TLCD4: variants seen among roughly 807,000 people sequenced by gnomAD.
TLCD4 encodes the protein TLC domain containing 4, also known as TLC domain-containing protein 4.
A neutral mutation model predicts 24.2 loss-of-function variants in TLCD4; 7 were observed. The observed-to-expected ratio is 0.29, with a 90% CI of 0.16 to 0.54. The LOEUF (loss-of-function observed/expected upper bound fraction) is 0.54. Ranked by LOEUF, TLCD4 falls within the 20% of genes least tolerant of loss-of-function variation. The pLI is 0.95. For missense variants in TLCD4, 259 were observed against 313.9 expected (o/e 0.82, Z 1.32); for synonymous variants, 103 against 106.4 (o/e 0.97, Z 0.20).
At chr1:95,180,544 A>G (rs1678598261) in intron 6 of TLCD4, among the ~76,000 whole-genome samples, 1 of 152,232 alleles carries the variant, frequency 6.6e-6, no homozygotes, top group Admixed American at 6.5e-5. Flanking sequence ...AAGAAGGCAC[A>G]TGGCATACAT....
In TLCD4 at chr1:95,194,700, TA is replaced by T. The variant is rs1434096773; in HGVS notation, c.*2838del. On this transcript the variant is annotated 3_prime_UTR_variant, in exon 7 of 7. Coordinates refer to ENST00000370203, the MANE Select transcript of TLCD4 (RefSeq NM_152487.3). ...AGAAAATAAAAGTTCTTGTGAAACT[TA>T]AAAAATGAATGAAAACCAACTAATA... is the stretch of plus-strand genomic sequence containing the variant. 1 of 152,220 alleles carries T rather than the reference TA, an allele frequency of 6.6e-6. No individual in the cohort carries two copies. Among genetic ancestry groups the T allele is most frequent in the Admixed American group, 6.5e-5 (1 of 15,286 alleles). The allele number at this position is 152,220 out of a possible 1,614,324, so 9.4% of individuals were successfully genotyped here.
the TLCD4 span, among the ~76,000 whole-genome samples, chr1:95,104,663 C>CAAAAAAAAAAAAAAAAAAAAAAAAAA: frequency 2.4e-3 from 99 of 40,548 alleles, 6 homozygotes; most frequent in Non-Finnish European, 3.3e-3. Context: ...GACTCCGTCT[C>CAAAAAAAAAAAAAAAAAAAAAAAAAA]AAAAAAAAAA....
chr1:95,132,264 G>A (rs1264918362), intron 1 of TLCD4, among the ~76,000 whole-genome samples: 5 of 152,000 alleles, frequency 3.3e-5, no homozygotes, highest in African/African-American at 9.7e-5. Flanking sequence ...AGACCAGCCC[G>A]ACCAACATAG....
At position 95,154,965 on chromosome 1, in the gene TLCD4, T is replaced by A. The variant is rs192878315; in HGVS notation, c.399+3546T>A. Among the ~76,000 whole-genome samples, 14 of 151,334 alleles carry A rather than the reference T, an allele frequency of 9.3e-5. 1 individual carries two copies. In the East Asian group the frequency reaches 2.4e-3, roughly 26 times the overall value. On this transcript the variant is annotated intron_variant, in intron 5 of 6. Coordinates refer to ENST00000370203, the MANE Select transcript of TLCD4 (RefSeq NM_152487.3). The stretch of plus-strand genomic sequence containing the variant: ...TCACGTTTTTACACAGGATTCCAAT[T>A]TGGGATGCCCAGAACTTATTTCCTA...
At chr1:95,112,282 T>A in the TLCD4 span, among the ~76,000 whole-genome samples, 1 of 152,072 alleles carries the variant, frequency 6.6e-6, no homozygotes, top group Non-Finnish European at 1.5e-5. Context: ...GATACAGAGA[T>A]GATCAATAGG....
At chr1:95,141,405 C>T (rs1448687376) in intron 1 of TLCD4, among the ~76,000 whole-genome samples, 3 of 152,088 alleles carry the variant, frequency 2.0e-5, no homozygotes, top group African/African-American at 7.2e-5. Context: ...GCAGCCCGTG[C>T]CCACCTTCTG....
At chr1:95,167,707 C>G (rs936761437) in intron 5 of TLCD4, among the ~76,000 whole-genome samples, 2 of 152,154 alleles carry the variant, frequency 1.3e-5, no homozygotes, top group Non-Finnish European at 2.9e-5. Context: ...CTTGCTCTCC[C>G]AGGATCGATT....
chr1:95,181,356 C>T (rs1391598075), intron 6 of TLCD4, among the ~76,000 whole-genome samples: 3 of 152,078 alleles, frequency 2.0e-5, no homozygotes, highest in Admixed American at 2.0e-4. Flanking sequence ...AAATATCTAG[C>T]CTCTCAGAGT....
At chr1:95,178,822 GTGTTT>G in intron 6 of TLCD4, among the ~76,000 whole-genome samples, 1 of 152,202 alleles carries the variant, frequency 6.6e-6, no homozygotes, top group South Asian at 2.1e-4. Context: ...TTATAGTCAA[GTGTTT>G]TGTTCTCTTA....
chr1:95,188,367 G>T (rs963365801), intron 6 of TLCD4, among the ~76,000 whole-genome samples: 1 of 127,268 alleles, frequency 7.9e-6, no homozygotes, highest in African/African-American at 2.9e-5. Context: ...CAGCCTGGGC[G>T]ACAGAGCGAG....
intron 1 of TLCD4, among the ~76,000 whole-genome samples, chr1:95,128,106 C>T (rs886977040): frequency 2.6e-5 from 4 of 152,130 alleles, no homozygotes; most frequent in Non-Finnish European, 5.9e-5. Context: ...AAAAAGTTTT[C>T]GGTGGAGTGA....
intron 6 of TLCD4, among the ~76,000 whole-genome samples, chr1:95,183,090 A>G (rs983114267): frequency 5.3e-5 from 8 of 152,168 alleles, no homozygotes; most frequent in African/African-American, 1.9e-4. Context: ...ATAACTTTTG[A>G]TATTTGTAGG....
chr1:95,171,154 T>G (rs1678205382), intron 5 of TLCD4, among the ~76,000 whole-genome samples: 1 of 152,166 alleles, frequency 6.6e-6, no homozygotes, highest in Non-Finnish European at 1.5e-5. Context: ...TTTTGCTATG[T>G]TTGCCCAAGC....
chr1:95,136,890 C>T (rs1677057362), intron 1 of TLCD4, among the ~76,000 whole-genome samples: 1 of 152,122 alleles, frequency 6.6e-6, no homozygotes, highest in African/African-American at 2.4e-5. Flanking sequence ...TATGGCACCA[C>T]AGAGAAGGGC....
chr1:95,166,352 A>G, intron 5 of TLCD4, among the ~76,000 whole-genome samples: 1 of 152,224 alleles, frequency 6.6e-6, no homozygotes, highest in African/African-American at 2.4e-5. Flanking sequence ...AATATATTAT[A>G]GTTGTGCAAA....
Position 95,126,980 on chromosome 1 carries a change from G to T in TLCD4, c.-12+9363G>T, listed in dbSNP as rs563012696. Among the ~76,000 whole-genome samples the T allele has an allele frequency of 3.3e-5, 5 of 152,270 alleles. No homozygotes were observed. In the South Asian group the frequency reaches 8.3e-4, roughly 25 times the overall value. On this transcript the variant is annotated intron_variant, in intron 1 of 6. Transcript: ENST00000370203. ...GCAAAGGAATTTATGGCCACTAAAT[G>T]GTTTACCACAGGTGACTGCATGTAC... is the stretch of plus-strand genomic sequence containing the variant.
intron 6 of TLCD4, 35 bp from the exon 7 acceptor site, chr1:95,191,515 C>A: frequency 6.3e-7 from 1 of 1,578,742 alleles, no homozygotes; most frequent in South Asian, 1.2e-5. Flanking sequence ...CAGAGATGCA[C>A]TATAAATGTG....
upstream of TLCD4, among the ~76,000 whole-genome samples, chr1:95,116,540 G>T (rs928347214): frequency 3.3e-5 from 5 of 152,112 alleles, no homozygotes; most frequent in Non-Finnish European, 5.9e-5. Flanking sequence ...TCAAGAAAAG[G>T]CCTTGTGATT....
intron 1 of TLCD4, among the ~76,000 whole-genome samples, chr1:95,128,497 G>C (rs1676802825): frequency 1.3e-5 from 2 of 152,152 alleles, no homozygotes; most frequent in Admixed American, 1.3e-4. Flanking sequence ...TAAAATTACT[G>C]TACCTATAAT....
Sources: gnomAD v4.1 joint callset for allele counts (sites outside exome capture counted in the v4.1 genomes callset) on GRCh38, gnomAD v4.1.1 for gene constraint, MANE v1.5 for transcripts, NCBI Gene and HGNC (gene_info 2026-07-23, HGNC 2026-07-21) for gene names.